KEL: variants seen among roughly 807,000 people sequenced by gnomAD.
The protein encoded by KEL is kell blood group glycoprotein.
KEL carries 96 observed loss-of-function variants against 99.5 expected under a neutral mutation model. The ratio of observed to expected loss-of-function variants is 0.97; its 90% confidence interval spans 0.82 to 1.14. The LOEUF is 1.14. KEL is among the 50% of genes most tolerant of loss of function. The pLI, the probability that KEL is intolerant of heterozygous loss-of-function variation, is 0.00. For missense variants in KEL, 926 were observed against 924.2 expected (o/e 1.00, Z -0.03); for synonymous variants, 355 against 354.8 (o/e 1.00, Z -0.01).
chr7:142,957,683 CA>C, intron 6 of KEL, 143 bp downstream of exon 6: 1 of 999,508 alleles, frequency 1.0e-6, no homozygotes. Flanking sequence ...ACTTTCACAT[CA>C]ATAATTTTCC....
At chr7:142,958,501 G>A in intron 4 of KEL, 73 bp from the exon 5 acceptor site, 1 of 1,432,394 alleles carries the variant, frequency 7.0e-7, no homozygotes, top group East Asian at 2.3e-5. Context: ...TATCAAAGGG[G>A]TCTGGGGAGT....
At chr7:142,952,366 C>T in intron 10 of KEL, 143 bp downstream of exon 10, 1 of 1,085,356 alleles carries the variant, frequency 9.2e-7, no homozygotes, top group Non-Finnish European at 1.4e-6. Context: ...GTCCAACTTG[C>T]CTGCTTCTAT....
chr7:142,947,263 C>A (rs1314736751), intron 10 of KEL, among the ~76,000 whole-genome samples: 1 of 152,132 alleles, frequency 6.6e-6, no homozygotes, highest in Non-Finnish European at 1.5e-5. Context: ...GATGAAGCCT[C>A]AAAACTTTAT....
chr7:142,951,407 CT>C (rs1185204800), intron 10 of KEL, among the ~76,000 whole-genome samples: 1 of 152,166 alleles, frequency 6.6e-6, no homozygotes, highest in Non-Finnish European at 1.5e-5. Flanking sequence ...CTTGGCCACT[CT>C]CCAACCCAAG....
chr7:142,953,850 T>C lies in KEL; in HGVS notation c.1031A>G (p.Lys344Arg). ...CTCCTCCACCAGTTGTGACATGTTTTTCAAATATTCCACGTCATGGACCAC... is the reference window on the plus strand; with the variant it reads ...CTCCTCCACCAGTTGTGACATGTTTCTCAAATATTCCACGTCATGGACCAC... ...SLVVHDVEYL[K>R]NMSQLVEEML... The change falls in exon 9 of 19, where the codon AAA becomes AGA. Residue 344 changes from lysine (K) to arginine (R), a missense_variant. Coordinates refer to ENST00000355265, the MANE Select transcript of KEL (RefSeq NM_000420.3). The C allele has an allele frequency of 6.2e-7, 1 of 1,614,192 alleles. No homozygotes were observed. Among genetic ancestry groups the C allele is most frequent in the Non-Finnish European group, 8.5e-7 (1 of 1,180,040 alleles).
intron 4 of KEL, among the ~76,000 whole-genome samples, chr7:142,958,966 C>G (rs994447454): frequency 3.9e-5 from 6 of 152,126 alleles, no homozygotes; most frequent in African/African-American, 1.4e-4. Flanking sequence ...GCCACCCCCA[C>G]CCCTTTGAGT....
chr7:142,952,456 G>C, intron 10 of KEL, 53 bp downstream of exon 10: 2 of 1,608,686 alleles, frequency 1.2e-6, no homozygotes, highest in Non-Finnish European at 1.7e-6. Flanking sequence ...CCCCTCAAAA[G>C]AGTAGATACT....
At chr7:142,958,826 C>T (rs1004089616) in intron 4 of KEL, among the ~76,000 whole-genome samples, 12 of 152,176 alleles carry the variant, frequency 7.9e-5, no homozygotes, top group African/African-American at 2.9e-4. Context: ...CACTATAAGA[C>T]TTCAAAAGAA....
In KEL at chr7:142,958,429, C is replaced by T. The variant is rs745736040; in HGVS notation, c.401-1G>A. The T allele has an allele frequency of 6.2e-7, 1 of 1,613,878 alleles. No homozygotes were observed. The highest frequency in any genetic ancestry group is 1.1e-5 in the South Asian group (1 of 91,064). ...CCTGGGTGCCAGGAATTCTGGACCT[C>T]TAGAAAGGAAGCATGGGAGTGAGGA... is the stretch of plus-strand genomic sequence containing the variant. On this transcript the variant is annotated splice_acceptor_variant, in intron 4 of 18. Transcript: ENST00000355265. LOFTEE classifies it high-confidence loss of function.
At chr7:142,961,234 G>C in intron 3 of KEL, 126 bp downstream of exon 3, 1 of 1,513,540 alleles carries the variant, frequency 6.6e-7, no homozygotes, top group Non-Finnish European at 9.2e-7. Context: ...TAGGATGCAG[G>C]GAGGAAGAAG....
At chr7:142,943,968 C>G (rs181214472) in intron 13 of KEL, 85 bp from the exon 14 acceptor site, 1 of 1,141,526 alleles carries the variant, frequency 8.8e-7, no homozygotes, top group Non-Finnish European at 1.3e-6. Flanking sequence ...CATTTGACCC[C>G]AAACAGGCAA....
At chr7:142,943,406 A>C (rs1401485866) in intron 15 of KEL, 63 bp from the exon 16 acceptor site, 5 of 1,608,606 alleles carry the variant, frequency 3.1e-6, no homozygotes, top group Non-Finnish European at 4.3e-6. Flanking sequence ...CCAATTCTCC[A>C]ACCGTAAGTC....
At position 142,961,780 on chromosome 7, in the gene KEL, G is replaced by A. The variant is rs1209825689; in HGVS notation, c.81+15C>T. On this transcript the variant is annotated intron_variant, in intron 2 of 18. Transcript: ENST00000355265. Reference sequence around the variant, plus strand: ...ACATCAGTGTATTCCAGACCCAGGAGAGGAGGCCACTTACCTCTTGGCTCC... The same window carrying A: ...ACATCAGTGTATTCCAGACCCAGGAAAGGAGGCCACTTACCTCTTGGCTCC... 5 of 1,607,246 alleles carry A rather than the reference G, an allele frequency of 3.1e-6. No homozygotes were observed. In the African/African-American group the frequency reaches 4.0e-5, roughly 13 times the overall value.
In KEL at chr7:142,946,211, C is replaced by T. The variant is rs1300196709; in HGVS notation, c.1310G>A (p.Ser437Asn). The T allele has an allele frequency of 1.9e-6, 3 of 1,612,576 alleles. No individual in the cohort carries two copies. Among genetic ancestry groups the T allele is most frequent in the Admixed American group, 1.7e-5 (1 of 59,990 alleles). The change falls in exon 11 of 19, where the codon AGT becomes AAT. Residue 437 changes from serine to asparagine, a missense_variant. Physicochemically the swap from Ser to Asn is conservative, Grantham distance 46. Transcript: ENST00000355265. ...VREAFGPSTR[S>N]AAMKLFTAIR... Reference sequence around the variant, plus strand: ...CTGGGAAGAGCTCTCACATACAGCACTTCGGGTGCTCGGGCCAAAGGCCTC... The same window carrying T: ...CTGGGAAGAGCTCTCACATACAGCATTTCGGGTGCTCGGGCCAAAGGCCTC...
At chr7:142,947,213 C>A (rs769574300) in intron 10 of KEL, among the ~76,000 whole-genome samples, 3 of 152,188 alleles carry the variant, frequency 2.0e-5, no homozygotes, top group Non-Finnish European at 4.4e-5. Context: ...TGAGCTGGAA[C>A]TGATAAATAC....
chr7:142,951,963 G>C (rs1006081153), intron 10 of KEL, among the ~76,000 whole-genome samples: 2 of 152,038 alleles, frequency 1.3e-5, no homozygotes, highest in Non-Finnish European at 2.9e-5. Context: ...GTAATAAGTA[G>C]ACTCTGGTTA....
intron 13 of KEL, 47 bp from the exon 14 acceptor site, chr7:142,943,930 G>T (rs756902633): frequency 1.4e-6 from 2 of 1,465,404 alleles, no homozygotes; most frequent in African/African-American, 2.8e-5. Flanking sequence ...GACTTCTATA[G>T]ATGCACGCTG....
At chr7:142,956,541 C>A (rs1796834900) in intron 6 of KEL, among the ~76,000 whole-genome samples, 1 of 152,072 alleles carries the variant, frequency 6.6e-6, no homozygotes, top group Non-Finnish European at 1.5e-5. Context: ...CCTCCCACTG[C>A]ACCCCACCTT....
chr7:142,958,091 T>A, intron 5 of KEL, 118 bp from the exon 6 acceptor site: 1 of 1,378,104 alleles, frequency 7.3e-7, no homozygotes, highest in Non-Finnish European at 1.0e-6. Flanking sequence ...CTTCGATTCC[T>A]CTAGGAAGCC....
Sources: gnomAD v4.1 joint callset for allele counts (sites outside exome capture counted in the v4.1 genomes callset) on GRCh38, gnomAD v4.1.1 for gene constraint, MANE v1.5 for transcripts, NCBI Gene and HGNC (gene_info 2026-07-23, HGNC 2026-07-21) for gene names.